GRK5: variants seen among roughly 807,000 people sequenced by gnomAD.
GRK5 encodes the protein g protein-coupled receptor kinase GRK5.
In GRK5, 40 loss-of-function variants were observed where a neutral mutation model predicts 78.4. The observed-to-expected ratio is 0.51, with a 90% CI of 0.40 to 0.66. The LOEUF is 0.66. Among genes scored for constraint, GRK5 ranks in the 30% least tolerant of loss-of-function variants. The pLI, the probability that GRK5 is intolerant of heterozygous loss-of-function variation, is 0.00. For synonymous variants in GRK5, 289 were observed against 296.8 expected, an observed-to-expected ratio of 0.97 and a Z score of 0.27; for missense variants, 598 against 759.9, an observed-to-expected ratio of 0.79 and a Z score of 2.50.
chr10:119,368,388 G>A (rs969370393), intron 2 of GRK5, among the ~76,000 whole-genome samples: 2 of 152,198 alleles, frequency 1.3e-5, no homozygotes, highest in African/African-American at 2.4e-5. Flanking sequence ...TGGGGGCGGG[G>A]GATGGCAGCT....
At chr10:119,297,107 A>T (rs1850094895) in intron 1 of GRK5, among the ~76,000 whole-genome samples, 1 of 152,204 alleles carries the variant, frequency 6.6e-6, no homozygotes, top group Non-Finnish European at 1.5e-5. Context: ...CTCCTTCGGG[A>T]CACTGCATGG....
At chr10:119,276,345 G>A (rs1411886139) in intron 1 of GRK5, among the ~76,000 whole-genome samples, 3 of 151,812 alleles carry the variant, frequency 2.0e-5, no homozygotes, top group African/African-American at 2.4e-5. Flanking sequence ...ATGAGAACAC[G>A]TGGTGTTTGG....
intron 3 of GRK5, among the ~76,000 whole-genome samples, chr10:119,383,108 A>G (rs564123408): frequency 6.6e-6 from 1 of 152,254 alleles, no homozygotes; most frequent in East Asian, 1.9e-4. Flanking sequence ...TTTTTAGTAG[A>G]GATGGGGTCT....
At chr10:119,227,593 A>T (rs1488905615) in intron 1 of GRK5, among the ~76,000 whole-genome samples, 1 of 152,094 alleles carries the variant, frequency 6.6e-6, no homozygotes, top group Non-Finnish European at 1.5e-5. Context: ...CAGCAGCAAC[A>T]AACAAACAAA....
intron 1 of GRK5, among the ~76,000 whole-genome samples, chr10:119,294,076 G>T (rs916261409): frequency 1.7e-4 from 26 of 152,156 alleles, no homozygotes; most frequent in Non-Finnish European, 2.6e-4. Flanking sequence ...TTACTTTCAT[G>T]GTGTGAGGAG....
chr10:119,335,175 T>TCTCTCTCTCTCTCTCCCC (rs1387026472), intron 2 of GRK5, among the ~76,000 whole-genome samples: 1 of 113,174 alleles, frequency 8.8e-6, no homozygotes, highest in African/African-American at 3.8e-5. Context: ...TCTCTCTCTC[T>TCTCTCTCTCTCTCTCCCC]CCCCCTCTCC....
At chr10:119,295,876 A>G (rs1446323123) in intron 1 of GRK5, among the ~76,000 whole-genome samples, 2 of 152,146 alleles carry the variant, frequency 1.3e-5, no homozygotes, top group African/African-American at 4.8e-5. Flanking sequence ...GGTGCGCCAG[A>G]ATCTCACAAA....
chr10:119,225,135 T>G (rs977441088), intron 1 of GRK5, among the ~76,000 whole-genome samples: 21 of 152,216 alleles, frequency 1.4e-4, no homozygotes, highest in African/African-American at 5.1e-4. Flanking sequence ...CACTGCTAAT[T>G]GAACTGATTC....
At chr10:119,400,690 C>G (rs756741476) in intron 4 of GRK5, among the ~76,000 whole-genome samples, 11 of 152,092 alleles carry the variant, frequency 7.2e-5, no homozygotes, top group Non-Finnish European at 1.3e-4. Flanking sequence ...GTGGAGTTGC[C>G]AGTGCTTCGA....
At chr10:119,442,254 G>A (rs891000340) in intron 11 of GRK5, among the ~76,000 whole-genome samples, 166 bp downstream of exon 11, 1 of 152,242 alleles carries the variant, frequency 6.6e-6, no homozygotes, top group Non-Finnish European at 1.5e-5. Flanking sequence ...CCTTAGCCAG[G>A]GGGAGGGGGA....
chr10:119,443,827 A>G (rs2133909772), intron 12 of GRK5, 75 bp downstream of exon 12: 1 of 1,287,442 alleles, frequency 7.8e-7, no homozygotes, highest in African/African-American at 1.5e-5. Context: ...GTCTGTCCCC[A>G]GAACAGCAAA....
intron 4 of GRK5, among the ~76,000 whole-genome samples, chr10:119,409,169 G>T (rs1189329072): frequency 6.6e-6 from 1 of 152,214 alleles, no homozygotes; most frequent in Non-Finnish European, 1.5e-5. Context: ...TGTGTCCTTA[G>T]CATCTTCTCA....
intron 1 of GRK5, among the ~76,000 whole-genome samples, chr10:119,307,627 C>G (rs1850293482): frequency 6.6e-6 from 1 of 152,092 alleles, no homozygotes; most frequent in Non-Finnish European, 1.5e-5. Flanking sequence ...TGGATTTAGC[C>G]CGGTGAATCT....
chr10:119,399,537 A>G (rs886301253), intron 4 of GRK5, among the ~76,000 whole-genome samples: 6 of 152,158 alleles, frequency 3.9e-5, no homozygotes, highest in African/African-American at 1.4e-4. Flanking sequence ...TGCTTCCCAA[A>G]AGGTAGACCA....
chr10:119,406,504 G>A, intron 4 of GRK5: 1 of 984,106 alleles, frequency 1.0e-6, no homozygotes, highest in Non-Finnish European at 1.2e-6. Flanking sequence ...TCTCCCTGGG[G>A]CTTGGGGTCC....
At chr10:119,373,102 G>T (rs943190503) in intron 2 of GRK5, among the ~76,000 whole-genome samples, 1 of 152,246 alleles carries the variant, frequency 6.6e-6, no homozygotes, top group Non-Finnish European at 1.5e-5. Context: ...GCAGTTGGCT[G>T]TTGTCAGACT....
rs544636014 is a variant in GRK5 at position 119,305,092 on chromosome 10, G to A, written c.53-21424G>A. The stretch of plus-strand genomic sequence containing the variant: ...GGTGTCTGGCTGTGGGGAGCTGCAG[G>A]AAAGCCCAGATGAGGTCTCCTGAGC... On this transcript the variant is annotated intron_variant, in intron 1 of 15. Transcript: ENST00000392870. 7.2e-5 allele frequency among the ~76,000 whole-genome samples: 11 copies of A among 152,018 alleles called. No individual in the cohort carries two copies. The South Asian group carries it at 2.3e-3, about 32-fold the overall frequency.
At chr10:119,289,426 T>C (rs1311276444) in intron 1 of GRK5, among the ~76,000 whole-genome samples, 1 of 152,190 alleles carries the variant, frequency 6.6e-6, no homozygotes, top group Non-Finnish European at 1.5e-5. Context: ...TGGGAACCGG[T>C]GTTCTGGGCA....
chr10:119,226,579 C>T (rs1192717720), intron 1 of GRK5, among the ~76,000 whole-genome samples: 3 of 149,166 alleles, frequency 2.0e-5, no homozygotes, highest in South Asian at 2.1e-4. Flanking sequence ...CACAGTCTCA[C>T]GCTTGCCCAG....
Sources: allele counts gnomAD v4.1 joint callset (sites outside exome capture counted in the v4.1 genomes callset), GRCh38; gene constraint gnomAD v4.1.1; transcripts MANE v1.5; gene names NCBI Gene and HGNC (gene_info 2026-07-23, HGNC 2026-07-21).